ERMP1: variants seen among roughly 807,000 people sequenced by gnomAD.
ERMP1 encodes the protein endoplasmic reticulum metallopeptidase 1.
ERMP1 carries 86 observed loss-of-function variants against 92.0 expected under a neutral mutation model. The observed-to-expected ratio is 0.93, with a 90% CI of 0.79 to 1.12. The LOEUF (loss-of-function observed/expected upper bound fraction) is 1.12. Among genes scored for constraint, ERMP1 ranks in the 50% most tolerant of loss-of-function variants. The pLI, the probability that ERMP1 is intolerant of heterozygous loss-of-function variation, is 0.00. For synonymous variants in ERMP1, 530 were observed against 412.8 expected (o/e 1.28, Z -3.44); for missense variants, 1,342 against 1,116.3 (o/e 1.20, Z -2.88).
intron 11 of ERMP1, 126 bp from the exon 12 acceptor site, chr9:5,799,134 CTG>C: frequency 1.6e-6 from 1 of 636,704 alleles, no homozygotes; most frequent in Non-Finnish European, 2.7e-6. Context: ...GAATAAGACA[CTG>C]AGAGTTTCTA....
In ERMP1 at chr9:5,805,809, G is replaced by T. The variant is rs1210934629; in HGVS notation, c.1549-24C>A. On this transcript the variant is annotated intron_variant, in intron 8 of 14. Transcript: ENST00000339450. ...TTCTGAAAGAAAGAAAAATATACAA[G>T]TAGTCTCATTCAGGGGTCATGCATA... 3.8e-6 allele frequency: 6 copies of T among 1,565,058 alleles called. No individual in the cohort carries two copies. The Admixed American group carries it at 7.6e-5, about 20-fold the overall frequency.
At chr9:5,807,739 C>G (rs1828922059) in intron 8 of ERMP1, among the ~76,000 whole-genome samples, 2 of 151,946 alleles carry the variant, frequency 1.3e-5, no homozygotes, top group South Asian at 4.2e-4. Context: ...GAGTGAGACT[C>G]TGTCTCAACA....
In ERMP1 at chr9:5,855,926, G is replaced by A. The variant is rs62553570; in HGVS notation, n.3199+3542C>T. On this transcript the variant is annotated intron_variant and non_coding_transcript_variant, in intron 6 of 6. Transcript: ENST00000690753. ...AAATGACTGGCTTTGCCACAACCTTGTACTGTCTTATCCTGGCAGCAACTG... is the reference window on the plus strand; with the variant it reads ...AAATGACTGGCTTTGCCACAACCTTATACTGTCTTATCCTGGCAGCAACTG... 6.5e-4 allele frequency: 159 copies of A among 246,028 alleles called. 1 individual carries two copies. The highest frequency in any genetic ancestry group is 1.1e-3 in the Non-Finnish European group (133 of 119,244). The allele number at this position is 246,028 out of a possible 1,614,324, so 15.2% of individuals were successfully genotyped here. A position where few individuals can be genotyped will look rare whatever the true frequency, so the allele number is the denominator to read the frequency against.
chr9:5,851,542 T>C (rs1382364440), intron 6 of ERMP1, among the ~76,000 whole-genome samples: 2 of 152,188 alleles, frequency 1.3e-5, no homozygotes, highest in African/African-American at 2.4e-5. Context: ...CGTGATCATA[T>C]CAGCCTTACA....
intron 6 of ERMP1, among the ~76,000 whole-genome samples, chr9:5,852,678 T>C (rs1830324930): frequency 6.6e-6 from 1 of 150,414 alleles, no homozygotes; most frequent in Non-Finnish European, 1.5e-5. Context: ...AAAAAAAGAA[T>C]GTTTTAAGTG....
At chr9:5,852,098 G>C (rs1014585597) in intron 6 of ERMP1, among the ~76,000 whole-genome samples, 2 of 152,024 alleles carry the variant, frequency 1.3e-5, no homozygotes, top group African/African-American at 4.8e-5. Context: ...TAAAGCAAAA[G>C]GTTAAGTAAA....
chr9:5,833,947 C>G (rs1830046654), upstream of ERMP1, among the ~76,000 whole-genome samples: 1 of 152,228 alleles, frequency 6.6e-6, no homozygotes, highest in South Asian at 2.1e-4. Context: ...CCATGAGCCT[C>G]TCTGCTCCAA....
At chr9:5,814,040 G>A (rs1314218430) in intron 4 of ERMP1, among the ~76,000 whole-genome samples, 4 of 152,050 alleles carry the variant, frequency 2.6e-5, no homozygotes, top group African/African-American at 9.7e-5. Context: ...AACTGCAGGC[G>A]TGGCTACATG....
At chr9:5,800,359 G>GA (rs1252424639) in intron 11 of ERMP1, among the ~76,000 whole-genome samples, 1 of 152,132 alleles carries the variant, frequency 6.6e-6, no homozygotes, top group Non-Finnish European at 1.5e-5. Context: ...AAAATTTGAA[G>GA]AAAAAGTTGA....
At chr9:5,829,980 T>C (rs1046528462) in intron 2 of ERMP1, among the ~76,000 whole-genome samples, 2 of 152,200 alleles carry the variant, frequency 1.3e-5, no homozygotes, top group Non-Finnish European at 2.9e-5. Flanking sequence ...TCAGGCACTG[T>C]CCTAAATGCA....
chr9:5,843,652 A>G (rs1830196283), intron 6 of ERMP1, among the ~76,000 whole-genome samples: 6 of 152,186 alleles, frequency 3.9e-5, no homozygotes, highest in Admixed American at 3.9e-4. Flanking sequence ...CCCCGCTTCT[A>G]GCCACTGCTT....
At chr9:5,828,126 C>T (rs1829796473) in intron 2 of ERMP1, among the ~76,000 whole-genome samples, 1 of 152,176 alleles carries the variant, frequency 6.6e-6, no homozygotes, top group African/African-American at 2.4e-5. Flanking sequence ...AAGTGAGAAC[C>T]TGTCTCTATT....
chr9:5,861,170 GGTGTGTGTGTGTGTGTGTGTGT>G (rs35593711), intron 5 of ERMP1, among the ~76,000 whole-genome samples: 13 of 102,140 alleles, frequency 1.3e-4, no homozygotes, highest in South Asian at 3.3e-4. Context: ...TGGCTTAGGG[GGTGTGTGTGTGTGTGTGTGTGT>G]GTGTGTGTGT....
intron 13 of ERMP1, 91 bp downstream of exon 13, chr9:5,797,726 C>A: frequency 1.3e-6 from 1 of 763,592 alleles, no homozygotes; most frequent in Admixed American, 2.4e-5. Flanking sequence ...GTTGCTGGTT[C>A]CTGTGATATA....
At chr9:5,814,898 A>C (rs549316291) in intron 4 of ERMP1, among the ~76,000 whole-genome samples, 7 of 152,316 alleles carry the variant, frequency 4.6e-5, no homozygotes, top group South Asian at 4.2e-4. Flanking sequence ...AGACAAGTAT[A>C]ATCTATTTAA....
rs141615494 is a variant in ERMP1, at chr9:5,785,191, A to G, written c.*1953T>C. ...AAAAGACAATGGTTTACACAGGGAA[A>G]TAACCCTAAGGCAATATGAAAACAG... On this transcript the variant is annotated 3_prime_UTR_variant, in exon 15 of 15. Coordinates refer to ENST00000339450, the MANE Select transcript of ERMP1 (RefSeq NM_024896.3). The G allele has an allele frequency of 1.9e-4, 29 of 152,366 alleles. No individual in the cohort carries two copies. The East Asian group carries it at 5.6e-3, about 29-fold the overall frequency. 9.4% of individuals were successfully genotyped at this position (152,366 alleles called of 1,614,324 possible). A position where few individuals can be genotyped will look rare whatever the true frequency, so the allele number is the denominator to read the frequency against.
At chr9:5,824,148 T>C in intron 3 of ERMP1, 147 bp from the exon 4 acceptor site, 1 of 647,250 alleles carries the variant, frequency 1.5e-6, no homozygotes, top group Non-Finnish European at 2.7e-6. Context: ...TCCAAAGACA[T>C]CTTCTGCTTC....
rs1435223911 is a variant in ERMP1 at position 5,805,026 on chromosome 9, C to T, written c.1914+1G>A. 6.3e-7 allele frequency: 1 copy of T among 1,588,794 alleles called. No individual in the cohort carries two copies. The highest frequency in any genetic ancestry group is 8.5e-7 in the Non-Finnish European group (1 of 1,173,466). On this transcript the variant is annotated splice_donor_variant, in intron 10 of 14. Transcript: ENST00000339450. LOFTEE classifies it high-confidence loss of function. ...AAAGAAAAAAACTTATTTTCTCTTA[C>T]AAAATAGGACGAGAGAATCATTGTA...
intron 12 of ERMP1, among the ~76,000 whole-genome samples, chr9:5,798,193 A>G (rs1458404949): frequency 3.3e-5 from 5 of 152,098 alleles, no homozygotes; most frequent in Admixed American, 3.3e-4. Flanking sequence ...CTGCCAAGCT[A>G]TAAAATCTTC....
Sources: gnomAD v4.1 joint callset for allele counts (sites outside exome capture counted in the v4.1 genomes callset) on GRCh38, gnomAD v4.1.1 for gene constraint, MANE v1.5 for transcripts, NCBI Gene and HGNC (gene_info 2026-07-23, HGNC 2026-07-21) for gene names.